DNM2: variants seen among roughly 807,000 people sequenced by gnomAD.
The protein encoded by DNM2 is dynamin-2.
DNM2 carries 15 observed loss-of-function variants against 99.0 expected under a neutral mutation model. That is an observed-to-expected ratio of 0.15 (90% CI 0.10 to 0.23). The LOEUF is 0.23. DNM2 is among the 10% of genes least tolerant of loss of function. The probability of loss-of-function intolerance (pLI) is 1.00; values close to 1 mark genes in which losing one functional copy is unlikely to be tolerated. For missense variants in DNM2, 742 were observed against 1,189.4 expected (o/e 0.62, Z 5.53); for synonymous variants, 525 against 481.2 (o/e 1.09, Z -1.19).
chr19:10,763,273 AC>A (rs2070693844), intron 2 of DNM2: 1 of 152,222 alleles, frequency 6.6e-6, no homozygotes, highest in African/African-American at 2.4e-5. Context: ...ACGGGGTTTT[AC>A]CATATTGGCC....
In DNM2 at chr19:10,772,170, C is replaced by T. The variant is rs2071004538; in HGVS notation, c.236-309C>T. 6.6e-6 allele frequency among the ~76,000 whole-genome samples: 1 copy of T among 151,926 alleles called. No individual in the cohort carries two copies. The highest frequency in any genetic ancestry group is 2.4e-5 in the African/African-American group (1 of 41,362). Reference sequence around the variant, plus strand: ...TCTCGGCTCACTACAACCTCCGCCTCCCGGGTTCAAGCAATTATCCTGCCT... The same window carrying T: ...TCTCGGCTCACTACAACCTCCGCCTTCCGGGTTCAAGCAATTATCCTGCCT... On this transcript the variant is annotated intron_variant, in intron 2 of 20. Transcript: ENST00000389253. This position sits in a 1 kb window ranked among gnomAD's most constrained non-coding sequence, Gnocchi z 4.9.
rs1214268359 is a variant in DNM2, at chr19:10,820,950, G to T, written c.1781+861G>T. On this transcript the variant is annotated intron_variant, in intron 16 of 20. Transcript: ENST00000389253. This position sits in a 1 kb window ranked among gnomAD's most constrained non-coding sequence, Gnocchi z 4.3. ...TCAGGAAGAAACCCAGCTGGCAGGA[G>T]GGCTCTTCCCATGCTCACACAATCA... 6.6e-6 allele frequency among the ~76,000 whole-genome samples: 1 copy of T among 152,186 alleles called. No homozygotes were observed. The highest frequency in any genetic ancestry group is 1.5e-5 in the Non-Finnish European group (1 of 68,022).
At position 10,786,661 on chromosome 19, in the gene DNM2, A is replaced by C; in HGVS notation, c.947A>C (p.Asn316Thr). 1.2e-6 allele frequency: 2 copies of C among 1,614,024 alleles called. No homozygotes were observed. The highest frequency in any genetic ancestry group is 1.7e-6 in the Non-Finnish European group (2 of 1,180,000). The change falls in exon 7 of 21, where the codon AAC becomes ACC. Residue 316 changes from asparagine (N) to threonine (T), a missense_variant. Physicochemically the swap from Asn to Thr is moderately conservative, Grantham distance 65 (BLOSUM62 0). This residue lies in a region of DNM2 where 44 missense variants were observed against 41.3 expected (regional missense o/e 1.06). Transcript: ENST00000389253. ...SLEKEVEEYK[N>T]FRPDDPTRKT... The stretch of plus-strand genomic sequence containing the variant: ...GAGAAGGAGGTGGAGGAGTACAAGA[A>C]CTTTCGGCCCGACGACCCCACCCGC...
intron 12 of DNM2, chr19:10,802,655 T>G: frequency 2.1e-6 from 1 of 473,482 alleles, no homozygotes. Flanking sequence ...CTGCACCCCC[T>G]CTCCTTCAGG....
At position 10,795,244 on chromosome 19, in the gene DNM2, T is replaced by C; in HGVS notation, c.1129-128T>C. On this transcript the variant is annotated intron_variant, in intron 8 of 20. Coordinates refer to ENST00000389253, the MANE Select transcript of DNM2 (RefSeq NM_001005361.3). This position sits in a 1 kb window ranked among gnomAD's most constrained non-coding sequence, Gnocchi z 4.2. The stretch of plus-strand genomic sequence containing the variant: ...CCAGTTTTCAATTTTTTAAATAAAA[T>C]TTTGACGAGTTAAATATTCTGCCTT... 1 of 880,880 alleles carries C rather than the reference T, an allele frequency of 1.1e-6. No individual in the cohort carries two copies. The allele number at this position is 880,880 out of a possible 1,614,324, so 54.6% of individuals were successfully genotyped here. A position where few individuals can be genotyped will look rare whatever the true frequency, so the allele number is the denominator to read the frequency against.
chr19:10,774,351 TTG>T (rs2071079338), intron 3 of DNM2, among the ~76,000 whole-genome samples: 1 of 152,232 alleles, frequency 6.6e-6, no homozygotes, highest in African/African-American at 2.4e-5. Flanking sequence ...ATGTAAGCAA[TTG>T]TGATTGTATC....
intron 7 of DNM2, among the ~76,000 whole-genome samples, chr19:10,789,346 T>C (rs778907223): frequency 9.9e-5 from 15 of 152,098 alleles, no homozygotes; most frequent in Non-Finnish European, 1.6e-4. Flanking sequence ...TCTCTGAGCC[T>C]CATTTTCTGC....
intron 1 of DNM2, among the ~76,000 whole-genome samples, chr19:10,734,170 C>T (rs991522619): frequency 1.6e-4 from 24 of 150,726 alleles, no homozygotes; most frequent in African/African-American, 5.4e-4. Context: ...GCCTAGACAA[C>T]ATATCAAAAC....
chr19:10,782,976 G>A lies in DNM2; in HGVS notation c.705G>A (p.Val235=). The A allele has an allele frequency of 1.9e-6, 3 of 1,614,074 alleles. No homozygotes were observed. The highest frequency in any genetic ancestry group is 2.5e-6 in the Non-Finnish European group (3 of 1,180,040). ...LPLRRGYIGV[V]NRSQKDIEGK... ...TCCCCACAGGCTACATTGGCGTGGT[G>A]AACCGCAGCCAGAAGGATATTGAGG... The change falls in exon 6 of 21, where the codon GTG becomes GTA. Residue 235 remains valine (V), a synonymous_variant. Coordinates refer to ENST00000389253, the MANE Select transcript of DNM2 (RefSeq NM_001005361.3).
intron 2 of DNM2, among the ~76,000 whole-genome samples, chr19:10,761,136 G>A (rs996583647): frequency 1.3e-5 from 2 of 151,898 alleles, no homozygotes; most frequent in African/African-American, 2.4e-5. Context: ...CTACAGGTGT[G>A]TGTCACCATG....
intron 6 of DNM2, 149 bp downstream of exon 6, chr19:10,783,269 C>G (rs2071437706): frequency 8.1e-7 from 1 of 1,240,474 alleles, no homozygotes; most frequent in South Asian, 1.3e-5. Flanking sequence ...AGTTTGAGAC[C>G]AGTCTGGGCA....
intron 1 of DNM2, among the ~76,000 whole-genome samples, chr19:10,736,264 CAAAA>C (rs545329681): frequency 1.1e-5 from 1 of 91,478 alleles, no homozygotes. Context: ...GACTCTGTCT[CAAAA>C]AAAAAAAAAA....
intron 1 of DNM2, chr19:10,755,628 G>T (rs2070355216): frequency 6.7e-6 from 1 of 149,966 alleles, no homozygotes; most frequent in Admixed American, 6.7e-5. Flanking sequence ...ACCCGGCCAG[G>T]GTTTTTTTTT....
intron 6 of DNM2, 64 bp from the exon 7 acceptor site, chr19:10,786,500 T>A: frequency 6.2e-7 from 1 of 1,609,278 alleles, no homozygotes; most frequent in Non-Finnish European, 8.5e-7. Flanking sequence ...GGGGGGAGTG[T>A]GTCTGCCACT....
intron 12 of DNM2, among the ~76,000 whole-genome samples, chr19:10,805,129 A>C (rs1316044510): frequency 6.6e-6 from 1 of 152,210 alleles, no homozygotes; most frequent in Non-Finnish European, 1.5e-5. Flanking sequence ...AGGATGGATA[A>C]AGAAGAAAAG....
intron 17 of DNM2, 159 bp from the exon 18 acceptor site, chr19:10,824,898 C>G: frequency 8.7e-7 from 1 of 1,155,970 alleles, no homozygotes; most frequent in Admixed American, 1.8e-5. Context: ...GTTTGGGCAG[C>G]TCTGGCCCAG....
chr19:10,792,012 C>T (rs1469934787), intron 7 of DNM2, among the ~76,000 whole-genome samples: 3 of 152,126 alleles, frequency 2.0e-5, no homozygotes, highest in African/African-American at 4.8e-5. Context: ...CACTTGAACC[C>T]GGCAGGCGGA....
rs1395654844 is a variant in DNM2, at chr19:10,786,554, TC to T, written c.850-9del. The T allele has an allele frequency of 1.2e-6, 2 of 1,613,980 alleles. No homozygotes were observed. Among genetic ancestry groups the T allele is most frequent in the South Asian group, 1.1e-5 (1 of 91,078 alleles). ...GCCACCCTTTCTGATCTCTGACCTC[TC>T]TCCTGCAGCAACTGACCAACCACAT... On this transcript the variant is annotated splice_polypyrimidine_tract_variant and intron_variant, in intron 6 of 20. Transcript: ENST00000389253.
intron 14 of DNM2, chr19:10,809,455 A>G (rs750461096): frequency 1.3e-5 from 2 of 152,274 alleles, no homozygotes; most frequent in Non-Finnish European, 2.9e-5. Context: ...CCCGAGATGA[A>G]TCATATTTGC....
Sources: allele counts gnomAD v4.1 joint callset (sites outside exome capture counted in the v4.1 genomes callset), GRCh38; gene constraint gnomAD v4.1.1; regional missense constraint gnomAD v4.1.1; non-coding constraint Gnocchi (gnomAD v3.1); transcripts MANE v1.5; gene names NCBI Gene and HGNC (gene_info 2026-07-23, HGNC 2026-07-21).